Variants in CDH12 observed in about 807,000 individuals in gnomAD.
CDH12 encodes cadherin-12.
In CDH12, 41 loss-of-function variants were observed where a neutral mutation model predicts 74.1. The ratio of observed to expected loss-of-function variants is 0.55; its 90% confidence interval spans 0.43 to 0.72. The LOEUF (loss-of-function observed/expected upper bound fraction) is 0.72. Among genes scored for constraint, CDH12 ranks in the 30% least tolerant of loss-of-function variants. The pLI is 0.00. For synonymous variants in CDH12, 399 were observed against 355.0 expected, an observed-to-expected ratio of 1.12 and a Z score of -1.39; for missense variants, 945 against 977.2, an observed-to-expected ratio of 0.97 and a Z score of 0.44.
intron 1 of CDH12, among the ~76,000 whole-genome samples, chr5:22,714,466 C>T (rs761080653): frequency 7.9e-5 from 12 of 151,996 alleles, no homozygotes; most frequent in Non-Finnish European, 1.5e-4. Context: ...TGACCTATTG[C>T]AAGTAAAATA....
chr5:22,259,212 C>T (rs767134143), intron 3 of CDH12, among the ~76,000 whole-genome samples: 1 of 151,986 alleles, frequency 6.6e-6, no homozygotes, highest in Non-Finnish European at 1.5e-5. Context: ...ATGAGAAGTA[C>T]TTATCTAATT....
chr5:22,599,669 T>A (rs190499636), intron 1 of CDH12, among the ~76,000 whole-genome samples: 1 of 152,272 alleles, frequency 6.6e-6, no homozygotes, highest in East Asian at 1.9e-4. Context: ...AAATATTTGA[T>A]GGAACTATCC....
chr5:22,449,884 G>T (rs1011611951), intron 2 of CDH12, among the ~76,000 whole-genome samples: 2 of 152,032 alleles, frequency 1.3e-5, no homozygotes, highest in African/African-American at 4.8e-5. Flanking sequence ...TGCATTTATT[G>T]ATATGGACAA....
chr5:22,456,471 T>C (rs575820737), intron 2 of CDH12, among the ~76,000 whole-genome samples: 1 of 152,288 alleles, frequency 6.6e-6, no homozygotes, highest in East Asian at 1.9e-4. Flanking sequence ...TTAACAGTTT[T>C]AGATATTCTA....
At chr5:22,845,018 C>A (rs1202881041) in intron 1 of CDH12, among the ~76,000 whole-genome samples, 2 of 152,092 alleles carry the variant, frequency 1.3e-5, no homozygotes, top group African/African-American at 4.8e-5. Flanking sequence ...CTTCTTCCCC[C>A]TTTTCAGTAT....
chr5:22,398,692 G>A (rs1163222166), intron 3 of CDH12, among the ~76,000 whole-genome samples: 1 of 152,104 alleles, frequency 6.6e-6, no homozygotes, highest in East Asian at 1.9e-4. Flanking sequence ...AGAGACATCT[G>A]TTCCTTCTTC....
At chr5:22,236,713 G>T (rs181505646) in intron 3 of CDH12, among the ~76,000 whole-genome samples, 1 of 152,060 alleles carries the variant, frequency 6.6e-6, no homozygotes, top group South Asian at 2.1e-4. Context: ...GCCACTGCAC[G>T]CCACTCTGGG....
chr5:22,829,712 G>C (rs1290152407), intron 1 of CDH12, among the ~76,000 whole-genome samples: 1 of 152,134 alleles, frequency 6.6e-6, no homozygotes, highest in African/African-American at 2.4e-5. Context: ...AGTAGTCATT[G>C]CCACTTATGC....
At chr5:21,851,509 T>C (rs1292787000) in intron 7 of CDH12, among the ~76,000 whole-genome samples, 1 of 150,746 alleles carries the variant, frequency 6.6e-6, no homozygotes, top group African/African-American at 2.4e-5. Flanking sequence ...CATTTTAATG[T>C]TTTATAAATG....
intron 5 of CDH12, among the ~76,000 whole-genome samples, chr5:21,986,110 A>T (rs1018377934): frequency 4.6e-5 from 7 of 152,114 alleles, no homozygotes; most frequent in African/African-American, 1.7e-4. Context: ...GCTATTTATC[A>T]TCTGGAAATA....
chr5:22,616,701 G>A (rs1186974151), intron 1 of CDH12, among the ~76,000 whole-genome samples: 1 of 152,018 alleles, frequency 6.6e-6, no homozygotes, highest in Non-Finnish European at 1.5e-5. Flanking sequence ...GAGGGTAAAG[G>A]AGGGAGGGGA....
rs572571369 is a variant in CDH12 at position 22,689,628 on chromosome 5, G to T, written c.-523+163430C>A. ...ACTTAGTAAAACAGGAAAAAAAGGA[G>T]AAAAAAGCTTAAATTGATTGGGATA... On this transcript the variant is annotated intron_variant, in intron 1 of 14. Transcript: ENST00000382254. 1.2e-4 allele frequency among the ~76,000 whole-genome samples: 18 copies of T among 151,840 alleles called. 1 individual carries two copies. In the South Asian group the frequency reaches 3.1e-3, roughly 26 times the overall value.
chr5:22,707,561 A>G (rs894057108), intron 1 of CDH12, among the ~76,000 whole-genome samples: 1 of 152,178 alleles, frequency 6.6e-6, no homozygotes. Context: ...CAAACAATAT[A>G]AACAAAACAA....
chr5:22,354,810 C>A (rs1180148011), intron 3 of CDH12, among the ~76,000 whole-genome samples: 1 of 151,938 alleles, frequency 6.6e-6, no homozygotes, highest in Non-Finnish European at 1.5e-5. Context: ...CTTGAAAATC[C>A]CAAGTAAAAC....
intron 1 of CDH12, among the ~76,000 whole-genome samples, chr5:22,529,716 A>G (rs1284164232): frequency 1.3e-5 from 2 of 152,190 alleles, no homozygotes; most frequent in African/African-American, 2.4e-5. Flanking sequence ...ACAATTGACC[A>G]TCACAGTCCT....
At chr5:22,821,084 G>A (rs1197983529) in intron 1 of CDH12, among the ~76,000 whole-genome samples, 3 of 151,914 alleles carry the variant, frequency 2.0e-5, no homozygotes, top group Non-Finnish European at 2.9e-5. Context: ...TTCAACATAC[G>A]CAAATCAATA....
intron 2 of CDH12, among the ~76,000 whole-genome samples, chr5:22,485,192 T>G (rs1408461891): frequency 6.6e-6 from 1 of 152,070 alleles, no homozygotes; most frequent in Non-Finnish European, 1.5e-5. Context: ...TTCTTTTCTT[T>G]TTTTTTAGAG....
intron 1 of CDH12, among the ~76,000 whole-genome samples, chr5:22,712,175 T>C (rs535204168): frequency 6.6e-6 from 1 of 152,044 alleles, no homozygotes; most frequent in African/African-American, 2.4e-5. Context: ...ACCTAAAACA[T>C]AATTTGAAAT....
At chr5:21,766,767 T>G (rs770087068) in intron 11 of CDH12, among the ~76,000 whole-genome samples, 6 of 151,982 alleles carry the variant, frequency 3.9e-5, no homozygotes, top group Non-Finnish European at 8.8e-5. Context: ...CAATGCCTAA[T>G]GCCTAATACT....
Sources: gnomAD v4.1 joint callset for allele counts (sites outside exome capture counted in the v4.1 genomes callset) on GRCh38, gnomAD v4.1.1 for gene constraint, MANE v1.5 for transcripts, NCBI Gene and HGNC (gene_info 2026-07-23, HGNC 2026-07-21) for gene names.